Variants in SNTG1 observed in about 807,000 individuals in gnomAD.
The protein encoded by SNTG1 is gamma-1-syntrophin.
A neutral mutation model predicts 74.7 loss-of-function variants in SNTG1; 39 were observed. That is an observed-to-expected ratio of 0.52 (90% CI 0.40 to 0.68). The LOEUF (loss-of-function observed/expected upper bound fraction) is 0.68, where lower values mean the gene tolerates loss of function less well. SNTG1 is among the 30% of genes least tolerant of loss of function. SNTG1 has a pLI of 0.00. For synonymous variants in SNTG1, 254 were observed against 217.1 expected (o/e 1.17, Z -1.49); for missense variants, 685 against 609.5 (o/e 1.12, Z -1.30).
chr8:49,935,523 CAAAAAA>C (rs59390567), intron 1 of SNTG1, among the ~76,000 whole-genome samples: 1 of 75,650 alleles, frequency 1.3e-5, no homozygotes, highest in South Asian at 3.6e-4. Context: ...AGATGTAAAC[CAAAAAA>C]AAAAAAAAAA....
intron 4 of SNTG1, among the ~76,000 whole-genome samples, chr8:50,406,430 T>C (rs542328569): frequency 4.9e-4 from 75 of 152,306 alleles, no homozygotes; most frequent in African/African-American, 1.7e-3. Flanking sequence ...TCTAATAGTT[T>C]ATTGCGGAAT....
At chr8:50,395,494 T>C (rs1383231178) in intron 3 of SNTG1, among the ~76,000 whole-genome samples, 1 of 138,424 alleles carries the variant, frequency 7.2e-6, no homozygotes, top group Non-Finnish European at 1.5e-5. Context: ...AAATTTTAAT[T>C]GTCTAATTTC....
chr8:50,075,584 A>C (rs1821788731), intron 1 of SNTG1, among the ~76,000 whole-genome samples: 1 of 152,214 alleles, frequency 6.6e-6, no homozygotes, highest in South Asian at 2.1e-4. Context: ...AGGGAATAAA[A>C]GCAGGCTGCC....
chr8:49,986,137 G>A (rs1347097227), intron 1 of SNTG1, among the ~76,000 whole-genome samples: 9 of 152,096 alleles, frequency 5.9e-5, no homozygotes, highest in Non-Finnish European at 1.0e-4. Flanking sequence ...CAGACCTATC[G>A]AGGTAAGTTT....
At chr8:49,957,393 G>A (rs1810273668) in intron 1 of SNTG1, among the ~76,000 whole-genome samples, 1 of 152,166 alleles carries the variant, frequency 6.6e-6, no homozygotes, top group South Asian at 2.1e-4. Context: ...ATTAACTACA[G>A]TTGTTGTTTA....
intron 1 of SNTG1, among the ~76,000 whole-genome samples, chr8:49,933,895 T>C (rs924459761): frequency 2.0e-5 from 3 of 152,284 alleles, no homozygotes; most frequent in East Asian, 1.9e-4. Flanking sequence ...TCGCTACATA[T>C]TTATGGTCTC....
chr8:49,961,184 C>T (rs919462232), intron 1 of SNTG1, among the ~76,000 whole-genome samples: 8 of 152,074 alleles, frequency 5.3e-5, no homozygotes, highest in Non-Finnish European at 1.0e-4. Flanking sequence ...CTATTTTTAT[C>T]CCCCCTCAGA....
intron 9 of SNTG1, among the ~76,000 whole-genome samples, chr8:50,521,416 A>G (rs553214681): frequency 6.6e-6 from 1 of 152,216 alleles, no homozygotes; most frequent in African/African-American, 2.4e-5. Context: ...TTAAAGTACA[A>G]TAAAAAATAA....
chr8:50,529,082 G>T (rs2094245282), intron 9 of SNTG1, among the ~76,000 whole-genome samples: 1 of 151,744 alleles, frequency 6.6e-6, no homozygotes, highest in Non-Finnish European at 1.5e-5. Flanking sequence ...CACAGAGTTT[G>T]ATATGTTGTA....
At chr8:50,293,403 C>CTTT (rs11349774) in intron 2 of SNTG1, among the ~76,000 whole-genome samples, 4 of 135,646 alleles carry the variant, frequency 2.9e-5, no homozygotes, top group Non-Finnish European at 1.6e-5. Context: ...TAGTAGGCTT[C>CTTT]TTTTTTTTTT....
At chr8:50,350,185 C>T (rs2091610510) in intron 2 of SNTG1, among the ~76,000 whole-genome samples, 1 of 152,136 alleles carries the variant, frequency 6.6e-6, no homozygotes, top group African/African-American at 2.4e-5. Flanking sequence ...GCCCGCCATG[C>T]CTGAGCCTCC....
intron 5 of SNTG1, among the ~76,000 whole-genome samples, chr8:50,442,710 A>T (rs1255695930): frequency 6.9e-6 from 1 of 144,050 alleles, no homozygotes; most frequent in Non-Finnish European, 1.5e-5. Flanking sequence ...AAAAAAAATC[A>T]AGCTCTTCAG....
At chr8:50,618,667 G>C (rs1459023760) in intron 13 of SNTG1, among the ~76,000 whole-genome samples, 1 of 152,144 alleles carries the variant, frequency 6.6e-6, no homozygotes, top group Non-Finnish European at 1.5e-5. Context: ...TTGCATCCTT[G>C]CCCATTAGGT....
At chr8:49,976,591 A>G (rs1181610717) in intron 1 of SNTG1, among the ~76,000 whole-genome samples, 1 of 152,164 alleles carries the variant, frequency 6.6e-6, no homozygotes, top group Admixed American at 6.5e-5. Flanking sequence ...AGTGTCTTAA[A>G]TTTGTCCAGG....
rs557487579 is a variant in SNTG1 at position 50,131,304 on chromosome 8, AT to A, written c.-102-41250del. Reference sequence around the variant, plus strand: ...AAGTGGGCACTCGATTATTTCTTGAATTTTTTTGCAGCTTTTTTGGAGGTAT... The same window carrying A: ...AAGTGGGCACTCGATTATTTCTTGAATTTTTTGCAGCTTTTTTGGAGGTAT... On this transcript the variant is annotated intron_variant, in intron 1 of 18. Coordinates refer to ENST00000642720, the MANE Select transcript of SNTG1 (RefSeq NM_018967.5). Among the ~76,000 whole-genome samples, 602 of 152,154 alleles carry A rather than the reference AT, an allele frequency of 4.0e-3. 4 individuals are homozygous for A. Among genetic ancestry groups the A allele is most frequent in the African/African-American group, 0.013 (553 of 41,534 alleles).
At chr8:50,327,408 G>T (rs1212979947) in intron 2 of SNTG1, among the ~76,000 whole-genome samples, 1 of 151,984 alleles carries the variant, frequency 6.6e-6, no homozygotes, top group Non-Finnish European at 1.5e-5. Context: ...CTTTACTATG[G>T]TTCAGTACTT....
intron 2 of SNTG1, among the ~76,000 whole-genome samples, chr8:50,338,361 T>C (rs1199385588): frequency 3.9e-5 from 6 of 152,070 alleles, no homozygotes. Flanking sequence ...CAGGGCATCA[T>C]GTCTGGCTTT....
intron 3 of SNTG1, among the ~76,000 whole-genome samples, 192 bp downstream of exon 3, chr8:50,394,457 C>T (rs141603792): frequency 1.8e-3 from 269 of 152,262 alleles, no homozygotes; most frequent in African/African-American, 5.9e-3. Flanking sequence ...AAGCCTTGGA[C>T]TTTAACTCTT....
chr8:50,599,340 T>C (rs112458344), intron 13 of SNTG1, among the ~76,000 whole-genome samples: 3 of 152,190 alleles, frequency 2.0e-5, no homozygotes, highest in African/African-American at 4.8e-5. Flanking sequence ...GCTTTGTTTA[T>C]TCTGGATATT....
Sources: allele counts gnomAD v4.1 joint callset (sites outside exome capture counted in the v4.1 genomes callset), GRCh38; gene constraint gnomAD v4.1.1; transcripts MANE v1.5; gene names NCBI Gene and HGNC (gene_info 2026-07-23, HGNC 2026-07-21).